The following AKAP13 variants were observed in gnomAD, a reference collection of about 807,000 sequenced individuals.
AKAP13 encodes the protein A-kinase anchoring protein 13, also known as A-kinase anchor protein 13.
AKAP13 carries 80 observed loss-of-function variants against 264.5 expected under a neutral mutation model. The observed-to-expected ratio is 0.30, with a 90% CI of 0.25 to 0.36. The LOEUF is 0.36. Among genes scored for constraint, AKAP13 ranks in the 10% least tolerant of loss-of-function variants. The pLI, the probability that AKAP13 is intolerant of heterozygous loss-of-function variation, is 1.00. For synonymous variants in AKAP13, 1,380 were observed against 1,250.2 expected (o/e 1.10, Z -2.19); for missense variants, 3,712 against 3,435.2 (o/e 1.08, Z -2.01).
At chr15:85,502,425 C>T in intron 2 of AKAP13, among the ~76,000 whole-genome samples, 1 of 152,194 alleles carries the variant, frequency 6.6e-6, no homozygotes, top group African/African-American at 2.4e-5. Flanking sequence ...TTAAGTATGT[C>T]ATTCCTACAT....
At chr15:85,614,838 T>G (rs1245289549) in intron 8 of AKAP13, among the ~76,000 whole-genome samples, 5 of 152,248 alleles carry the variant, frequency 3.3e-5, no homozygotes, top group Non-Finnish European at 7.3e-5. Context: ...TTACAGGTTT[T>G]TATGAGGAAT....
intron 1 of AKAP13, among the ~76,000 whole-genome samples, chr15:85,382,752 G>GT (rs1219871062): frequency 6.6e-6 from 1 of 152,172 alleles, no homozygotes; most frequent in African/African-American, 2.4e-5. Flanking sequence ...GGCTGTGATA[G>GT]ACCTTATTTA....
At chr15:85,693,521 C>T (rs572384113) in intron 17 of AKAP13, 70 bp downstream of exon 17, 1 of 1,579,050 alleles carries the variant, frequency 6.3e-7, no homozygotes, top group East Asian at 2.3e-5. Flanking sequence ...TTCTTGTTTC[C>T]TGTCCCCACT....
intron 4 of AKAP13, 134 bp from the exon 5 acceptor site, chr15:85,543,638 A>G (rs977573952): frequency 9.9e-7 from 1 of 1,013,046 alleles, no homozygotes; most frequent in Non-Finnish European, 1.4e-6. Context: ...AGCTGTTCAC[A>G]CTGTATGTTG....
At position 85,746,708 on chromosome 15, in the gene AKAP13, C is replaced by G. The variant is rs966093048; in HGVS notation, c.*2031C>G. 2 of 151,200 alleles carry G rather than the reference C, an allele frequency of 1.3e-5. No individual in the cohort carries two copies. The highest frequency in any genetic ancestry group is 6.6e-5 in the Admixed American group (1 of 15,228). The allele number at this position is 151,200 out of a possible 1,614,324, so 9.4% of individuals were successfully genotyped here. On this transcript the variant is annotated 3_prime_UTR_variant, in exon 37 of 37. Transcript: ENST00000394518. ...CTATTTGTACAACTCCAAGTTACAG[C>G]TGAATCTGTCGTGACTTTCCTGAGA... is the stretch of plus-strand genomic sequence containing the variant.
intron 12 of AKAP13, among the ~76,000 whole-genome samples, chr15:85,659,410 G>A (rs1237328820): frequency 6.6e-6 from 1 of 152,014 alleles, no homozygotes; most frequent in South Asian, 2.1e-4. Context: ...TGGGCAAATA[G>A]TGATCTTTCC....
intron 1 of AKAP13, among the ~76,000 whole-genome samples, chr15:85,387,290 T>C (rs188676701): frequency 6.6e-6 from 1 of 152,122 alleles, no homozygotes; most frequent in East Asian, 1.9e-4. Context: ...GAGCCGACAT[T>C]GCGCCACTTT....
intron 1 of AKAP13, among the ~76,000 whole-genome samples, chr15:85,392,465 G>A (rs956078174): frequency 6.6e-6 from 1 of 151,914 alleles, no homozygotes; most frequent in Non-Finnish European, 1.5e-5. Flanking sequence ...ATGTTGGCCA[G>A]TATGGTCTTG....
chr15:85,710,417 G>C lies in AKAP13; in HGVS notation c.5533-162G>C, dbSNP rs1597138890. The C allele has an allele frequency of 7.0e-5, 41 of 582,512 alleles. No individual in the cohort carries two copies. In the East Asian group the frequency reaches 1.2e-3, roughly 17 times the overall value. 36.1% of individuals were successfully genotyped at this position (582,512 alleles called of 1,614,324 possible). A position where few individuals can be genotyped will look rare whatever the true frequency, so the allele number is the denominator to read the frequency against. On this transcript the variant is annotated intron_variant, in intron 18 of 36. Transcript: ENST00000394518. ...GGCATTGGAGTACGTGGCAGGCTTA[G>C]AGGATGGCAATTGGGGGCGACCGTG...
At chr15:85,700,619 A>G (rs2151663575) in intron 17 of AKAP13, among the ~76,000 whole-genome samples, 1 of 152,332 alleles carries the variant, frequency 6.6e-6, no homozygotes, top group East Asian at 1.9e-4. Flanking sequence ...AGCTTTCAGG[A>G]TGTCAGGTGT....
intron 29 of AKAP13, among the ~76,000 whole-genome samples, chr15:85,728,806 C>T (rs984728397): frequency 6.6e-6 from 1 of 151,680 alleles, no homozygotes; most frequent in Admixed American, 6.6e-5. Context: ...GCTGGAAATG[C>T]ACCAGGTATT....
At chr15:85,706,786 A>G (rs2086292598) in intron 17 of AKAP13, among the ~76,000 whole-genome samples, 1 of 152,186 alleles carries the variant, frequency 6.6e-6, no homozygotes, top group Non-Finnish European at 1.5e-5. Context: ...GGGGATAGAG[A>G]AAAACCTAAG....
chr15:85,579,157 G>C lies in AKAP13; in HGVS notation c.1089G>C (p.Glu363Asp), dbSNP rs762478169. Residue 363 changes from glutamate to aspartate, a missense_variant, in exon 7 of 37, where the codon GAG (glutamate) becomes GAC (aspartate). Transcript: ENST00000394518. ...PCDLSSIVEEENTDRSCRKKN... is the reference protein window; with the variant it reads ...PCDLSSIVEEDNTDRSCRKKN... ...ATTTGTCAAGCATAGTTGAGGAGGA[G>C]AATACAGACCGTTCCTGTAGGAAGA... 1.3e-5 allele frequency: 21 copies of C among 1,614,016 alleles called. No individual in the cohort carries two copies. Among genetic ancestry groups the C allele is most frequent in the Non-Finnish European group, 1.7e-5 (20 of 1,180,040 alleles).
intron 8 of AKAP13, among the ~76,000 whole-genome samples, chr15:85,598,992 C>G (rs189113162): frequency 3.3e-5 from 5 of 152,186 alleles, no homozygotes; most frequent in Non-Finnish European, 5.9e-5. Context: ...CTATTACCCT[C>G]GTAGTCAACA....
chr15:85,501,333 C>T (rs191052249), intron 2 of AKAP13, among the ~76,000 whole-genome samples: 38 of 152,274 alleles, frequency 2.5e-4, no homozygotes, highest in Admixed American at 1.8e-3. Context: ...ACCATATACT[C>T]GTGATTATGT....
chr15:85,569,983 A>C (rs1050856483), intron 5 of AKAP13, among the ~76,000 whole-genome samples: 2 of 146,356 alleles, frequency 1.4e-5, no homozygotes, highest in African/African-American at 5.0e-5. Context: ...AGGCTGAGGC[A>C]GGAGAATGGC....
At chr15:85,709,299 G>GT (rs914225607) in intron 18 of AKAP13, among the ~76,000 whole-genome samples, 7 of 152,002 alleles carry the variant, frequency 4.6e-5, no homozygotes, top group Non-Finnish European at 1.0e-4. Context: ...TTATTATATA[G>GT]TTTTTTATAG....
At chr15:85,486,865 A>G (rs1181023313) in intron 2 of AKAP13, among the ~76,000 whole-genome samples, 2 of 150,374 alleles carry the variant, frequency 1.3e-5, no homozygotes, top group African/African-American at 2.4e-5. Flanking sequence ...CAGCCTCCCA[A>G]GTAGCTGGGA....
chr15:85,552,710 C>G (rs1025401085), intron 5 of AKAP13, among the ~76,000 whole-genome samples: 2 of 150,356 alleles, frequency 1.3e-5, no homozygotes, highest in Non-Finnish European at 2.9e-5. Flanking sequence ...TCACTGCAAC[C>G]TCCGCCTCCC....
Sources: allele counts gnomAD v4.1 joint callset (sites outside exome capture counted in the v4.1 genomes callset), GRCh38; gene constraint gnomAD v4.1.1; transcripts MANE v1.5; gene names NCBI Gene and HGNC (gene_info 2026-07-23, HGNC 2026-07-21).